The following ZNF644 variants were observed in gnomAD, a reference collection of about 807,000 sequenced individuals.
ZNF644 encodes the protein zinc finger protein 644.
A neutral mutation model predicts 108.0 loss-of-function variants in ZNF644; 20 were observed. The observed-to-expected ratio is 0.19, with a 90% CI of 0.13 to 0.27. The LOEUF is 0.27. Among genes scored for constraint, ZNF644 ranks in the 10% least tolerant of loss-of-function variants. ZNF644 has a pLI of 1.00. For synonymous variants in ZNF644, 542 were observed against 539.1 expected (o/e 1.01, Z -0.08); for missense variants, 1,338 against 1,548.9 (o/e 0.86, Z 2.29).
intron 1 of ZNF644, among the ~76,000 whole-genome samples, chr1:90,994,395 T>C (rs1166618576): frequency 6.6e-6 from 1 of 152,202 alleles, no homozygotes; most frequent in Non-Finnish European, 1.5e-5. Flanking sequence ...AGTATCACTG[T>C]AGGGCTCTGT....
Position 90,951,525 on chromosome 1 carries a change from C to T in ZNF644, c.45-10216G>A, listed in dbSNP as rs145467079. Among the ~76,000 whole-genome samples the T allele has an allele frequency of 1.1e-4, 16 of 152,268 alleles. No individual in the cohort carries two copies. The East Asian group carries it at 3.1e-3, about 29-fold the overall frequency. ...TGGAATGCTCTTTCTCCCAGATAGT[C>T]TCATGGCAAACTATTTCATCTTGGT... On this transcript the variant is annotated intron_variant, in intron 2 of 5. Transcript: ENST00000337393.
At chr1:90,929,471 T>G (rs1650464151) in intron 4 of ZNF644, among the ~76,000 whole-genome samples, 2 of 152,168 alleles carry the variant, frequency 1.3e-5, no homozygotes, top group Admixed American at 6.5e-5. Context: ...TTAATCTTAA[T>G]AAGAAGATCA....
intron 1 of ZNF644, among the ~76,000 whole-genome samples, chr1:90,983,744 T>C (rs1191127114): frequency 6.6e-6 from 1 of 152,106 alleles, no homozygotes; most frequent in East Asian, 1.9e-4. Context: ...CTGGCCAACA[T>C]GGTGAAACCC....
chr1:90,938,726 A>G lies in ZNF644; in HGVS notation c.2628T>C (p.Asp876=). The change falls in exon 3 of 6, where the codon GAT becomes GAC. Residue 876 remains aspartate, a synonymous_variant. Coordinates refer to ENST00000337393, the MANE Select transcript of ZNF644 (RefSeq NM_201269.3). The surrounding 1 kb of genome is among the most constrained non-coding windows in gnomAD (Gnocchi z 4.2). ...LGDYTTQAIE[D]ETYSDINQEH... ...CTTGATTAATATCACTATAGGTTTCATCTTCTATGGCCTGTGTAGTGTAGT... is the reference window on the plus strand; with the variant it reads ...CTTGATTAATATCACTATAGGTTTCGTCTTCTATGGCCTGTGTAGTGTAGT... The G allele has an allele frequency of 6.2e-7, 1 of 1,613,904 alleles. No homozygotes were observed. Among genetic ancestry groups the G allele is most frequent in the East Asian group, 2.2e-5 (1 of 44,870 alleles).
At chr1:90,928,369 A>G (rs1146429) in intron 4 of ZNF644, among the ~76,000 whole-genome samples, 19,615 of 138,498 alleles carry the variant, frequency 0.14, 1,384 homozygotes, top group Middle Eastern at 0.18. Context: ...CCAGGCTGGA[A>G]TGCAATGGCA....
intron 4 of ZNF644, among the ~76,000 whole-genome samples, chr1:90,925,642 T>C (rs1320171030): frequency 6.8e-6 from 1 of 147,314 alleles, no homozygotes; most frequent in Non-Finnish European, 1.5e-5. Flanking sequence ...TAGTAAATAA[T>C]TAAACCAATA....
chr1:91,008,204 C>T (rs942312329), intron 1 of ZNF644, among the ~76,000 whole-genome samples: 3 of 152,176 alleles, frequency 2.0e-5, no homozygotes, highest in African/African-American at 7.2e-5. Flanking sequence ...TTCTCAAGTA[C>T]AGAGATCCTC....
At chr1:91,007,351 T>C (rs1659556607) in intron 1 of ZNF644, among the ~76,000 whole-genome samples, 1 of 150,550 alleles carries the variant, frequency 6.6e-6, no homozygotes, top group Non-Finnish European at 1.5e-5. Context: ...TTTGCTGGGA[T>C]TACGGGTGCA....
intron 4 of ZNF644, among the ~76,000 whole-genome samples, chr1:90,929,704 G>C (rs557097278): frequency 6.6e-6 from 1 of 152,210 alleles, no homozygotes; most frequent in African/African-American, 2.4e-5. Flanking sequence ...CTTTTCTAGT[G>C]GCTTACAAAC....
chr1:90,949,955 C>A (rs1652912399), intron 2 of ZNF644, among the ~76,000 whole-genome samples: 1 of 151,938 alleles, frequency 6.6e-6, no homozygotes, highest in Admixed American at 6.6e-5. Flanking sequence ...TTCCTGAATC[C>A]TTTTTGTTGT....
chr1:90,992,461 A>G (rs944386095), intron 1 of ZNF644, among the ~76,000 whole-genome samples: 2 of 152,134 alleles, frequency 1.3e-5, no homozygotes, highest in East Asian at 3.9e-4. Flanking sequence ...ACATCTACCT[A>G]CAACTGGTAA....
Position 90,949,962 on chromosome 1 carries a change from TTG to T in ZNF644, c.45-8655_45-8654del, listed in dbSNP as rs552966409. Among the ~76,000 whole-genome samples, 461 of 152,102 alleles carry T rather than the reference TTG, an allele frequency of 3.0e-3. 3 individuals are homozygous for T. The highest frequency in any genetic ancestry group is 2.5e-3 in the Non-Finnish European group (169 of 68,010). On this transcript the variant is annotated intron_variant, in intron 2 of 5. Transcript: ENST00000337393. The stretch of plus-strand genomic sequence containing the variant: ...AAACACCGTTCCTGAATCCTTTTTG[TTG>T]TTCATTTATTGATTCAAAAAAATAG...
intron 4 of ZNF644, 185 bp from the exon 5 acceptor site, chr1:90,918,339 C>G (rs752219715): frequency 1.1e-4 from 70 of 630,602 alleles, no homozygotes; most frequent in Non-Finnish European, 1.5e-4. Flanking sequence ...ATTATCTGTA[C>G]TGTACAGCGG....
intron 1 of ZNF644, among the ~76,000 whole-genome samples, chr1:91,020,078 T>C (rs1239881263): frequency 1.3e-5 from 2 of 152,164 alleles, no homozygotes; most frequent in East Asian, 3.8e-4. Context: ...TCTCTGGTCC[T>C]CAATATATTG....
At chr1:90,917,944 T>A (rs1648986377) in intron 5 of ZNF644, 108 bp downstream of exon 5, 2 of 882,426 alleles carry the variant, frequency 2.3e-6, no homozygotes, top group Admixed American at 3.9e-5. Context: ...ATAACTTGAT[T>A]GTTGAGAATG....
At chr1:91,020,336 T>G (rs1557673466) in intron 1 of ZNF644, 1 of 152,298 alleles carries the variant, frequency 6.6e-6, no homozygotes, top group East Asian at 1.9e-4. Flanking sequence ...TGTGTTTAAA[T>G]ATCCCTCCAA....
At position 90,918,075 on chromosome 1, in the gene ZNF644, G is replaced by A. The variant is rs141065187; in HGVS notation, c.3768C>T (p.Asp1256=). The A allele has an allele frequency of 1.3e-3, 2,037 of 1,613,836 alleles. 2 individuals are homozygous for A. The highest frequency in any genetic ancestry group is 1.6e-3 in the Non-Finnish European group (1,905 of 1,179,914). ...ACCTGCATCGGAGAATGTAAACCTC[G>A]TCAGCACCATGAGGTAATGTTAGCA... ...KKMLTLPHGA[D]EVYILRCRFC... Residue 1256 remains aspartate, a synonymous_variant, in exon 5 of 6, where the codon GAC becomes GAT. Coordinates refer to ENST00000337393, the MANE Select transcript of ZNF644 (RefSeq NM_201269.3).
At chr1:90,972,133 A>T (rs1254836107) in intron 2 of ZNF644, among the ~76,000 whole-genome samples, 2 of 152,132 alleles carry the variant, frequency 1.3e-5, no homozygotes, top group Non-Finnish European at 2.9e-5. Context: ...CAAACAAACA[A>T]ACAAAGACTA....
rs568547021 is a variant in ZNF644, at chr1:90,998,136, C to A, written c.-17-15766G>T. 1.9e-3 allele frequency among the ~76,000 whole-genome samples: 282 copies of A among 152,330 alleles called. 2 individuals carry two copies. The highest frequency in any genetic ancestry group is 3.4e-3 in the Middle Eastern group (1 of 294). ...CCTCTTGGGGCAGGGCACAGCCGAA[C>A]AAAAGGCAGCAGAAACCTCCACAGA... On this transcript the variant is annotated intron_variant, in intron 1 of 5. Coordinates refer to ENST00000337393, the MANE Select transcript of ZNF644 (RefSeq NM_201269.3).
Sources: allele counts gnomAD v4.1 joint callset (sites outside exome capture counted in the v4.1 genomes callset), GRCh38; gene constraint gnomAD v4.1.1; non-coding constraint Gnocchi (gnomAD v3.1); transcripts MANE v1.5; gene names NCBI Gene and HGNC (gene_info 2026-07-23, HGNC 2026-07-21).